LSAMP: variants seen among roughly 807,000 people sequenced by gnomAD.
The protein encoded by LSAMP is limbic system associated membrane protein.
In LSAMP, 7 loss-of-function variants were observed where a neutral mutation model predicts 38.6. The observed-to-expected ratio is 0.18, with a 90% confidence interval of 0.10 to 0.34. LSAMP has a LOEUF of 0.34. Among genes scored for constraint, LSAMP ranks in the 10% least tolerant of loss-of-function variants. LSAMP has a pLI of 1.00. For missense variants in LSAMP, 313 were observed against 420.0 expected (o/e 0.75, Z 2.23); for synonymous variants, 154 against 166.8 (o/e 0.92, Z 0.59).
chr3:116,355,111 T>C (rs886262025), intron 1 of LSAMP, among the ~76,000 whole-genome samples: 14 of 152,134 alleles, frequency 9.2e-5, no homozygotes, highest in African/African-American at 3.4e-4. Context: ...TTCTTTACCA[T>C]ATATATATAT....
intron 2 of LSAMP, among the ~76,000 whole-genome samples, chr3:116,040,235 T>G (rs1328459207): frequency 2.0e-5 from 3 of 152,086 alleles, no homozygotes; most frequent in African/African-American, 7.2e-5. Context: ...TGGAAGAAAA[T>G]TCAATGCGTA....
chr3:116,409,459 A>G (rs557784113), intron 1 of LSAMP, among the ~76,000 whole-genome samples: 1 of 152,186 alleles, frequency 6.6e-6, no homozygotes, highest in East Asian at 1.9e-4. Flanking sequence ...ACCTGCTCCA[A>G]TTTATACCTA....
At chr3:115,934,332 C>T (rs141123467) in intron 3 of LSAMP, among the ~76,000 whole-genome samples, 3,805 of 152,014 alleles carry the variant, frequency 0.025, 132 homozygotes, top group African/African-American at 0.084. Flanking sequence ...CGCCCGCCAC[C>T]ATGCCCGGCT....
rs527655328 is a variant in LSAMP, at chr3:116,126,707, C to G, written c.156-40151G>C. Among the ~76,000 whole-genome samples the G allele has an allele frequency of 4.5e-4, 68 of 152,200 alleles. 1 individual carries two copies. Among genetic ancestry groups the G allele is most frequent in the African/African-American group, 1.6e-3 (65 of 41,524 alleles). On this transcript the variant is annotated intron_variant, in intron 1 of 6. Transcript: ENST00000490035. ...CAAAACCCTGTCTCTACTAAAAATA[C>G]AAAAATTAGCTGGGTGTGGTGGTGC...
At chr3:116,173,389 G>A (rs1710252133) in intron 1 of LSAMP, among the ~76,000 whole-genome samples, 1 of 151,996 alleles carries the variant, frequency 6.6e-6, no homozygotes. Flanking sequence ...TTAAATGGCT[G>A]AACACTGACC....
chr3:115,907,049 G>A (rs1030273762), intron 3 of LSAMP, among the ~76,000 whole-genome samples: 1 of 152,100 alleles, frequency 6.6e-6, no homozygotes. Context: ...AACTGCACCA[G>A]TCAGTTGGTT....
At chr3:115,983,220 A>G (rs1939414151) in intron 3 of LSAMP, among the ~76,000 whole-genome samples, 1 of 152,186 alleles carries the variant, frequency 6.6e-6, no homozygotes, top group Non-Finnish European at 1.5e-5. Flanking sequence ...AGCCTTGTCT[A>G]TAAATAAATT....
At chr3:116,011,096 T>G (rs752996145) in intron 3 of LSAMP, among the ~76,000 whole-genome samples, 8 of 151,902 alleles carry the variant, frequency 5.3e-5, no homozygotes, top group African/African-American at 9.7e-5. Flanking sequence ...CTCTGCCTCC[T>G]GGGTTCATGC....
chr3:116,438,747 G>C (rs2049389329), intron 1 of LSAMP, among the ~76,000 whole-genome samples: 2 of 152,134 alleles, frequency 1.3e-5, no homozygotes, highest in Non-Finnish European at 2.9e-5. Flanking sequence ...ACCCAAATGA[G>C]AGACAGCACA....
intron 3 of LSAMP, among the ~76,000 whole-genome samples, chr3:115,854,360 GC>G (rs1935440109): frequency 7.0e-6 from 1 of 142,618 alleles, no homozygotes; most frequent in South Asian, 2.2e-4. Flanking sequence ...TCGGCTCACT[GC>G]AAGCTCCGCC....
At chr3:116,227,049 C>T (rs1040178891) in intron 1 of LSAMP, among the ~76,000 whole-genome samples, 9 of 152,234 alleles carry the variant, frequency 5.9e-5, no homozygotes, top group Middle Eastern at 3.4e-3. Context: ...TTGGTTTTGC[C>T]ACTGTGCTTC....
intron 1 of LSAMP, among the ~76,000 whole-genome samples, chr3:116,326,970 G>A (rs2047781608): frequency 6.6e-6 from 1 of 152,118 alleles, no homozygotes; most frequent in South Asian, 2.1e-4. Flanking sequence ...ATCTTGGTGA[G>A]AAAGGAAAAG....
At chr3:116,170,914 G>A (rs186049239) in intron 1 of LSAMP, among the ~76,000 whole-genome samples, 3 of 151,866 alleles carry the variant, frequency 2.0e-5, no homozygotes, top group East Asian at 3.9e-4. Context: ...CTCTATGTTC[G>A]TTCAATCCTG....
At position 116,035,223 on chromosome 3, in the gene LSAMP, G is replaced by T. The variant is rs28501394; in HGVS notation, c.389-15583C>A. On this transcript the variant is annotated intron_variant, in intron 2 of 6. Coordinates refer to ENST00000490035, the MANE Select transcript of LSAMP (RefSeq NM_002338.5). ...TGCTGGTAATTGATAACATGTTTGG[G>T]ATTAAGACAGTCACATGTTAAATTT... 9.5e-3 allele frequency among the ~76,000 whole-genome samples: 1,454 copies of T among 152,254 alleles called. 27 individuals are homozygous for T. The highest frequency in any genetic ancestry group is 0.032 in the African/African-American group (1,317 of 41,540).
intron 1 of LSAMP, among the ~76,000 whole-genome samples, chr3:116,441,526 T>C (rs1272566388): frequency 6.6e-6 from 1 of 152,140 alleles, no homozygotes; most frequent in East Asian, 1.9e-4. Context: ...ATTTTAAAGG[T>C]TGGTTTGAAA....
chr3:116,326,576 C>T (rs1324823836), intron 1 of LSAMP, among the ~76,000 whole-genome samples: 33 of 152,236 alleles, frequency 2.2e-4, no homozygotes, highest in Non-Finnish European at 7.4e-5. Flanking sequence ...AGCAGCAGCA[C>T]TTAGCCTGAT....
chr3:115,832,919 C>T (rs1000654057), intron 6 of LSAMP, among the ~76,000 whole-genome samples: 6 of 152,016 alleles, frequency 3.9e-5, no homozygotes, highest in Admixed American at 1.3e-4. Context: ...TTTCAGTATC[C>T]GACAGCTGTC....
chr3:116,292,498 A>G (rs1169539321), intron 1 of LSAMP, among the ~76,000 whole-genome samples: 4 of 152,182 alleles, frequency 2.6e-5, no homozygotes, highest in African/African-American at 9.7e-5. Context: ...GAACCCAGCC[A>G]TTATTTAACT....
At chr3:116,332,056 G>A (rs1350475691) in intron 1 of LSAMP, among the ~76,000 whole-genome samples, 3 of 151,904 alleles carry the variant, frequency 2.0e-5, no homozygotes, top group Admixed American at 1.3e-4. Flanking sequence ...GTCCAGGCTG[G>A]CTGGAACTCC....
Sources: allele counts gnomAD v4.1 joint callset (sites outside exome capture counted in the v4.1 genomes callset), GRCh38; gene constraint gnomAD v4.1.1; transcripts MANE v1.5; gene names NCBI Gene and HGNC (gene_info 2026-07-23, HGNC 2026-07-21).